Variants in TPTE2 observed in about 807,000 individuals in gnomAD.
TPTE2 encodes phosphatidylinositol 3,4,5-trisphosphate 3-phosphatase TPTE2.
A neutral mutation model predicts 78.6 loss-of-function variants in TPTE2; 53 were observed. The observed-to-expected ratio is 0.67, with a 90% CI of 0.54 to 0.85. The LOEUF (loss-of-function observed/expected upper bound fraction) is 0.85. Ranked by LOEUF, TPTE2 falls within the 40% of genes least tolerant of loss-of-function variation. The pLI is 0.00. For missense variants in TPTE2, 461 were observed against 623.0 expected, an observed-to-expected ratio of 0.74 and a Z score of 2.77; for synonymous variants, 175 against 206.2, an observed-to-expected ratio of 0.85 and a Z score of 1.30.
rs181440848 is a variant in TPTE2 at position 19,437,926 on chromosome 13, G to A, written c.1035+166C>T. 4.2e-3 allele frequency among the ~76,000 whole-genome samples: 639 copies of A among 152,232 alleles called. 5 individuals are homozygous for A. The highest frequency in any genetic ancestry group is 0.025 in the South Asian group (121 of 4,814). On this transcript the variant is annotated intron_variant, in intron 14 of 19. Transcript: ENST00000400230. ...TGCAGTCAGCTACTAACTAGTGCACGTTAAACAAGAAAGTATCAAAAATAG... is the reference window on the plus strand; with the variant it reads ...TGCAGTCAGCTACTAACTAGTGCACATTAAACAAGAAAGTATCAAAAATAG...
At chr13:19,502,661 G>C (rs1593404395) in intron 1 of TPTE2, among the ~76,000 whole-genome samples, 1 of 145,680 alleles carries the variant, frequency 6.9e-6, no homozygotes, top group African/African-American at 2.5e-5. Context: ...GGTAGGGGGA[G>C]GGGGGAGGGA....
intron 17 of TPTE2, among the ~76,000 whole-genome samples, chr13:19,427,925 T>C (rs1325183599): frequency 2.6e-5 from 4 of 152,184 alleles, no homozygotes; most frequent in African/African-American, 7.2e-5. Context: ...GAGCTGTACA[T>C]TTAAGAAACA....
the TPTE2 span, chr13:19,561,294 C>T: frequency 2.1e-5 from 20 of 975,018 alleles, no homozygotes; most frequent in Admixed American, 1.9e-4. Context: ...CCCTCCTGCC[C>T]CAGCATGCCG....
At chr13:19,445,467 C>T (rs1266396835) in intron 13 of TPTE2, among the ~76,000 whole-genome samples, 15 of 152,226 alleles carry the variant, frequency 9.9e-5, no homozygotes, top group South Asian at 2.1e-4. Flanking sequence ...GGGGAAGATA[C>T]GGAATGCTTG....
intron 1 of TPTE2, among the ~76,000 whole-genome samples, chr13:19,517,899 T>TA (rs1403052156): frequency 6.6e-6 from 1 of 152,158 alleles, no homozygotes; most frequent in African/African-American, 2.4e-5. Context: ...CACAGGATAA[T>TA]AACCTCAGAG....
At position 19,502,026 on chromosome 13, in the gene TPTE2, A is replaced by C. The variant is rs1868598194; in HGVS notation, c.11+1198T>G. Reference sequence around the variant, plus strand: ...ACTTCTCAAAAGAAGACATTTATGCAGCCAAAAAACACATGAAAAAATGCT... The same window carrying C: ...ACTTCTCAAAAGAAGACATTTATGCCGCCAAAAAACACATGAAAAAATGCT... On this transcript the variant is annotated intron_variant, in intron 1 of 19. Transcript: ENST00000400230. Among the ~76,000 whole-genome samples, 3 of 132,110 alleles carry C rather than the reference A, an allele frequency of 2.3e-5. No individual in the cohort carries two copies. In the Admixed American group the frequency reaches 2.4e-4, roughly 10 times the overall value. 86.7% of individuals were successfully genotyped at this position (132,110 alleles called of 152,430 possible).
chr13:19,552,070 C>G, the TPTE2 span, among the ~76,000 whole-genome samples: 3 of 152,304 alleles, frequency 2.0e-5, no homozygotes, highest in South Asian at 6.2e-4. Flanking sequence ...TTCAAAGCAT[C>G]TATATTATGC....
chr13:19,434,493 T>C (rs1005699981), intron 15 of TPTE2, among the ~76,000 whole-genome samples: 5 of 152,180 alleles, frequency 3.3e-5, no homozygotes, highest in African/African-American at 1.2e-4. Context: ...AGTGGGGACA[T>C]AGTATGGATT....
chr13:19,454,738 A>C (rs1878434472), intron 10 of TPTE2, among the ~76,000 whole-genome samples: 1 of 152,194 alleles, frequency 6.6e-6, no homozygotes, highest in Non-Finnish European at 1.5e-5. Flanking sequence ...CCCAGAAAAA[A>C]ATAGTAATGT....
intron 17 of TPTE2, among the ~76,000 whole-genome samples, chr13:19,429,703 G>A (rs1335743506): frequency 1.3e-5 from 2 of 152,168 alleles, no homozygotes; most frequent in African/African-American, 2.4e-5. Flanking sequence ...GAGTCGGGAG[G>A]GGGTGGCAGG....
chr13:19,433,936 T>G (rs753711653), intron 15 of TPTE2, among the ~76,000 whole-genome samples: 3 of 152,216 alleles, frequency 2.0e-5, no homozygotes, highest in Admixed American at 1.3e-4. Context: ...GAGCTCCATC[T>G]AGCATCCCCT....
intron 1 of TPTE2, among the ~76,000 whole-genome samples, chr13:19,495,904 T>C (rs1376658794): frequency 1.3e-5 from 2 of 152,184 alleles, no homozygotes; most frequent in Non-Finnish European, 2.9e-5. Flanking sequence ...AGTCTCACTC[T>C]GTCACCCAAG....
intron 1 of TPTE2, among the ~76,000 whole-genome samples, chr13:19,528,562 T>C (rs1870666939): frequency 6.6e-6 from 1 of 152,202 alleles, no homozygotes; most frequent in Non-Finnish European, 1.5e-5. Context: ...CCTTATAACA[T>C]AACAGGTATA....
intron 3 of TPTE2, among the ~76,000 whole-genome samples, chr13:19,491,883 A>T (rs1881011876): frequency 6.6e-6 from 1 of 152,142 alleles, no homozygotes; most frequent in Admixed American, 6.6e-5. Context: ...ACGTCCTATA[A>T]AATAAATTCT....
At chr13:19,434,582 C>CTTTGT (rs547488667) in intron 15 of TPTE2, among the ~76,000 whole-genome samples, 17,458 of 148,374 alleles carry the variant, frequency 0.12, 1,171 homozygotes, top group Middle Eastern at 0.21. Flanking sequence ...CTATGACTAT[C>CTTTGT]TTTGTTTTGT....
At chr13:19,455,013 C>A (rs1160849150) in intron 10 of TPTE2, among the ~76,000 whole-genome samples, 2 of 152,146 alleles carry the variant, frequency 1.3e-5, no homozygotes, top group Admixed American at 6.5e-5. Flanking sequence ...ATCCAGTGGA[C>A]CCTGGTCACA....
At chr13:19,561,260 C>A in the TPTE2 span, 116 of 1,260,562 alleles carry the variant, frequency 9.2e-5, no homozygotes, top group Non-Finnish European at 1.2e-4. Context: ...CTGGACATGG[C>A]GCTGGTCACC....
At chr13:19,547,720 CATAT>C in the TPTE2 span, among the ~76,000 whole-genome samples, 28 of 118,824 alleles carry the variant, frequency 2.4e-4, 2 homozygotes, top group Admixed American at 6.8e-4. Flanking sequence ...AATAAATATA[CATAT>C]ATATATATAT....
chr13:19,457,189 A>G (rs1407800883), intron 10 of TPTE2, among the ~76,000 whole-genome samples: 1 of 152,200 alleles, frequency 6.6e-6, no homozygotes, highest in Non-Finnish European at 1.5e-5. Context: ...AGACCAATAT[A>G]TTGACAGAGG....
Sources: gnomAD v4.1 joint callset for allele counts (sites outside exome capture counted in the v4.1 genomes callset) on GRCh38, gnomAD v4.1.1 for gene constraint, MANE v1.5 for transcripts, NCBI Gene and HGNC (gene_info 2026-07-23, HGNC 2026-07-21) for gene names.